CNTNAP3: variants seen among roughly 807,000 people sequenced by gnomAD.
The protein encoded by CNTNAP3 is contactin associated protein family member 3, also known as contactin-associated protein-like 3.
A neutral mutation model predicts 92.1 loss-of-function variants in CNTNAP3; 36 were observed. The observed-to-expected ratio is 0.39, with a 90% CI of 0.30 to 0.52. CNTNAP3 has a LOEUF of 0.52. CNTNAP3 is among the 20% of genes least tolerant of loss of function. The pLI, the probability that CNTNAP3 is intolerant of heterozygous loss-of-function variation, is 0.76. For missense variants in CNTNAP3, 534 were observed against 1,069.6 expected, an observed-to-expected ratio of 0.50 and a Z score of 6.98; for synonymous variants, 232 against 422.3, an observed-to-expected ratio of 0.55 and a Z score of 5.53.
At chr9:39,260,709 C>T (rs1195707641) in intron 2 of CNTNAP3, among the ~76,000 whole-genome samples, 1 of 10,160 alleles carries the variant, frequency 9.8e-5, no homozygotes, top group African/African-American at 2.6e-4. Context: ...GGTGACAGAG[C>T]GAGACTCTGT....
intron 13 of CNTNAP3, among the ~76,000 whole-genome samples, chr9:39,118,811 T>C (rs1182691650): frequency 5.3e-5 from 8 of 152,352 alleles, no homozygotes; most frequent in African/African-American, 1.4e-4. Flanking sequence ...AGGAATGACA[T>C]TGATAGGCTT....
chr9:39,139,756 T>G (rs1388706733), intron 12 of CNTNAP3: 4 of 151,464 alleles, frequency 2.6e-5, no homozygotes, highest in Admixed American at 2.6e-4. Context: ...TCCTTTTTTT[T>G]TTTTTTTGAG....
At chr9:39,142,843 A>C (rs1270071850) in intron 11 of CNTNAP3, among the ~76,000 whole-genome samples, 1 of 152,220 alleles carries the variant, frequency 6.6e-6, no homozygotes, top group Admixed American at 6.5e-5. Flanking sequence ...CATTCCATGT[A>C]TGAACTGTGG....
intron 14 of CNTNAP3, among the ~76,000 whole-genome samples, chr9:39,112,674 T>G (rs892671049): frequency 3.3e-5 from 5 of 152,132 alleles, no homozygotes; most frequent in African/African-American, 1.2e-4. Flanking sequence ...CAACTGTTAA[T>G]GATTATTTTG....
intron 18 of CNTNAP3, among the ~76,000 whole-genome samples, chr9:39,093,258 C>T (rs1826250596): frequency 1.4e-5 from 2 of 139,522 alleles, no homozygotes; most frequent in Admixed American, 7.1e-5. Flanking sequence ...TTTTCTTTTT[C>T]TATGTGTTTC....
intron 9 of CNTNAP3, among the ~76,000 whole-genome samples, chr9:39,151,750 A>G (rs1370439717): frequency 6.8e-6 from 1 of 148,086 alleles, no homozygotes; most frequent in Non-Finnish European, 1.5e-5. Flanking sequence ...TAAATTGTAT[A>G]TTATGAAATT....
intron 18 of CNTNAP3, among the ~76,000 whole-genome samples, chr9:39,098,662 A>G (rs1461799517): frequency 6.6e-6 from 1 of 152,200 alleles, no homozygotes; most frequent in Admixed American, 6.5e-5. Context: ...TATTTGCACC[A>G]GAGCTATGAG....
At chr9:39,146,853 G>C (rs1389941576) in intron 10 of CNTNAP3, among the ~76,000 whole-genome samples, 1 of 152,118 alleles carries the variant, frequency 6.6e-6, no homozygotes, top group Non-Finnish European at 1.5e-5. Flanking sequence ...GGATTTTTAG[G>C]TCTGGTATTT....
At position 39,149,832 on chromosome 9, in the gene CNTNAP3, C is replaced by G. The variant is rs767767180; in HGVS notation, c.1623G>C (p.Gln541His). 1.7e-5 allele frequency: 27 copies of G among 1,600,688 alleles called. No homozygotes were observed. The African/African-American group carries it at 3.2e-4, about 19-fold the overall frequency. ...QGALGSFRDL[Q>H]IDSCGITDRC... Reference sequence around the variant, plus strand: ...TGTCTGTGATGCCGCAGGAGTCTATCTGGAGGTCCCTGAAACTCCCCAGCG... The same window carrying G: ...TGTCTGTGATGCCGCAGGAGTCTATGTGGAGGTCCCTGAAACTCCCCAGCG... Residue 541 changes from glutamine to histidine, a missense_variant, in exon 10 of 24, where the codon CAG becomes CAC. Coordinates refer to ENST00000297668, the MANE Select transcript of CNTNAP3 (RefSeq NM_033655.5).
chr9:39,094,871 T>C (rs949387460), intron 18 of CNTNAP3, among the ~76,000 whole-genome samples: 1 of 151,628 alleles, frequency 6.6e-6, no homozygotes, highest in Admixed American at 6.6e-5. Context: ...TTTTCATTTG[T>C]ATAAAAAGTG....
Position 39,071,503 on chromosome 9 carries a change from A to G in CNTNAP3, c.*2387T>C, listed in dbSNP as rs1178769512. Among the ~76,000 whole-genome samples, 2 of 151,930 alleles carry G rather than the reference A, an allele frequency of 1.3e-5. No individual in the cohort carries two copies. The highest frequency in any genetic ancestry group is 2.9e-5 in the Non-Finnish European group (2 of 67,918). ...CAGAATCTTCAGCTTTCTCAAATGA[A>G]GAATGGTAATTATATGCTATTTTCT... is the stretch of plus-strand genomic sequence containing the variant. On this transcript the variant is annotated 3_prime_UTR_variant, in exon 24 of 24. Coordinates refer to ENST00000297668, the MANE Select transcript of CNTNAP3 (RefSeq NM_033655.5).
At chr9:39,105,218 G>C (rs1313930996) in intron 15 of CNTNAP3, among the ~76,000 whole-genome samples, 1 of 152,120 alleles carries the variant, frequency 6.6e-6, no homozygotes, top group Non-Finnish European at 1.5e-5. Flanking sequence ...ATGAAGTCAG[G>C]AGATCCAGAC....
At position 39,217,400 on chromosome 9, in the gene CNTNAP3, A is replaced by ATATATATT. The variant is rs1440827881; in HGVS notation, c.390+21592_390+21593insAATATATA. Among the ~76,000 whole-genome samples, 5 of 19,904 alleles carry ATATATATT rather than the reference A, an allele frequency of 2.5e-4. 2 individuals are homozygous for ATATATATT. Among genetic ancestry groups the ATATATATT allele is most frequent in the African/African-American group, 4.1e-4 (5 of 12,218 alleles). 13.1% of individuals were successfully genotyped at this position (19,904 alleles called of 152,430 possible). ...TATATATATATATATATATATATAT[A>ATATATATT]TTCATTGTGGGAATTTCAAATGGGA... On this transcript the variant is annotated intron_variant, in intron 3 of 23. Coordinates refer to ENST00000297668, the MANE Select transcript of CNTNAP3 (RefSeq NM_033655.5).
chr9:39,137,523 G>T (rs562329153), intron 12 of CNTNAP3, among the ~76,000 whole-genome samples: 12 of 151,562 alleles, frequency 7.9e-5, no homozygotes, highest in East Asian at 7.8e-4. Context: ...TTGTTTTTTG[G>T]TTTTTTTGAG....
chr9:39,136,768 T>C (rs1248852512), intron 12 of CNTNAP3, among the ~76,000 whole-genome samples: 1 of 151,894 alleles, frequency 6.6e-6, no homozygotes, highest in East Asian at 1.9e-4. Flanking sequence ...AGGCATGGTG[T>C]CACATGCCCA....
chr9:39,109,348 T>C, intron 14 of CNTNAP3, 61 bp from the exon 15 acceptor site: 3 of 1,594,876 alleles, frequency 1.9e-6, no homozygotes, highest in Non-Finnish European at 2.6e-6. Flanking sequence ...CAAAATTAAC[T>C]CTGATCTCTT....
intron 18 of CNTNAP3, among the ~76,000 whole-genome samples, chr9:39,097,118 A>C (rs1428714773): frequency 1.3e-5 from 2 of 150,864 alleles, no homozygotes; most frequent in Non-Finnish European, 3.0e-5. Flanking sequence ...AAGTTTGCTG[A>C]CTCTTTTTTC....
chr9:39,072,173 A>C lies in CNTNAP3; in HGVS notation c.*1717T>G, dbSNP rs550546258. Among the ~76,000 whole-genome samples, 1 of 114,458 alleles carries C rather than the reference A, an allele frequency of 8.7e-6. No individual in the cohort carries two copies. Among genetic ancestry groups the C allele is most frequent in the Non-Finnish European group, 1.7e-5 (1 of 58,912 alleles). The allele number at this position is 114,458 out of a possible 152,430, so 75.1% of individuals were successfully genotyped here. ...TCAATACAGATGTAGTATTCTGAGA[A>C]GAGATCATTTGTTAAGAGCGGATTT... On this transcript the variant is annotated 3_prime_UTR_variant, in exon 24 of 24. Coordinates refer to ENST00000297668, the MANE Select transcript of CNTNAP3 (RefSeq NM_033655.5).
At chr9:39,095,554 GT>G (rs553462031) in intron 18 of CNTNAP3, among the ~76,000 whole-genome samples, 4 of 126,066 alleles carry the variant, frequency 3.2e-5, no homozygotes, top group South Asian at 2.6e-4. Flanking sequence ...TTTGTTAAAT[GT>G]TTTTTTTTCA....
Sources: allele counts gnomAD v4.1 joint callset (sites outside exome capture counted in the v4.1 genomes callset), GRCh38; gene constraint gnomAD v4.1.1; transcripts MANE v1.5; gene names NCBI Gene and HGNC (gene_info 2026-07-23, HGNC 2026-07-21).